Variants in SOX5 observed in about 807,000 individuals in gnomAD.
The protein encoded by SOX5 is SRY-box transcription factor 5.
A neutral mutation model predicts 92.0 loss-of-function variants in SOX5; 9 were observed. The ratio of observed to expected loss-of-function variants is 0.10; its 90% CI spans 0.06 to 0.17. The LOEUF (loss-of-function observed/expected upper bound fraction) is 0.17, where lower values mean the gene tolerates loss of function less well. Among genes scored for constraint, SOX5 ranks in the 10% least tolerant of loss-of-function variants. The pLI, the probability that SOX5 is intolerant of heterozygous loss-of-function variation, is 1.00. For missense variants in SOX5, 642 were observed against 944.5 expected (o/e 0.68, Z 4.20); for synonymous variants, 344 against 336.3 (o/e 1.02, Z -0.25).
intron 4 of SOX5, among the ~76,000 whole-genome samples, chr12:24,009,755 CAG>C (rs1284592207): frequency 6.6e-6 from 1 of 152,124 alleles, no homozygotes; most frequent in Non-Finnish European, 1.5e-5. Flanking sequence ...ATTTTACAAA[CAG>C]AGATATCAGG....
chr12:23,734,564 G>T, intron 6 of SOX5, 120 bp downstream of exon 6: 1 of 719,614 alleles, frequency 1.4e-6, no homozygotes, highest in Non-Finnish European at 2.3e-6. Flanking sequence ...GAGGTGCTAT[G>T]TCATGAATTA....
chr12:23,600,896 G>A (rs1374479992), intron 9 of SOX5, among the ~76,000 whole-genome samples: 3 of 151,998 alleles, frequency 2.0e-5, no homozygotes, highest in Non-Finnish European at 4.4e-5. Flanking sequence ...GGCAGGTCAG[G>A]TGACCTTTCT....
intron 2 of SOX5, among the ~76,000 whole-genome samples, chr12:24,281,777 T>C (rs1348638252): frequency 6.6e-6 from 1 of 152,218 alleles, no homozygotes; most frequent in Non-Finnish European, 1.5e-5. Flanking sequence ...AAGGATTTTC[T>C]TTTTTATATT....
At chr12:24,200,422 A>G (rs542079904) in intron 4 of SOX5, among the ~76,000 whole-genome samples, 2 of 152,286 alleles carry the variant, frequency 1.3e-5, no homozygotes, top group African/African-American at 4.8e-5. Flanking sequence ...AAAGTCAAAT[A>G]TACATATACT....
rs552199170 is a variant in SOX5 at position 23,606,514 on chromosome 12, AT to A, written c.1018-1982del. 3.0e-4 allele frequency among the ~76,000 whole-genome samples: 45 copies of A among 151,914 alleles called. No homozygotes were observed. In the East Asian group the frequency reaches 8.7e-3, roughly 29 times the overall value. On this transcript the variant is annotated intron_variant, in intron 8 of 14. Coordinates refer to ENST00000451604, the MANE Select transcript of SOX5 (RefSeq NM_006940.6). ...GAACAAAACAGTTATTCAAAATTTA[AT>A]TTTGATTCTTCATATTACTGACAAA...
chr12:23,691,913 G>A (rs186536418), intron 6 of SOX5, among the ~76,000 whole-genome samples: 36 of 151,632 alleles, frequency 2.4e-4, no homozygotes, highest in East Asian at 2.1e-3. Context: ...TGTTGTTGTC[G>A]TTCACCTCAT....
At chr12:24,503,528 A>G (rs918700790) in intron 1 of SOX5, among the ~76,000 whole-genome samples, 2 of 152,228 alleles carry the variant, frequency 1.3e-5, no homozygotes, top group Admixed American at 1.3e-4. Context: ...ATGCACACGT[A>G]TGTTTATTGT....
chr12:23,922,208 G>A (rs548622984), intron 1 of SOX5, among the ~76,000 whole-genome samples: 1 of 152,184 alleles, frequency 6.6e-6, no homozygotes, highest in South Asian at 2.1e-4. Flanking sequence ...CAATGTGGTG[G>A]TTGCCAATAC....
chr12:24,413,809 G>A (rs1213354203), intron 1 of SOX5, among the ~76,000 whole-genome samples: 4 of 152,162 alleles, frequency 2.6e-5, no homozygotes, highest in Non-Finnish European at 5.9e-5. Flanking sequence ...TCGTGCGTCA[G>A]TGATTTTTTT....
chr12:23,653,471 A>G (rs11047027), intron 7 of SOX5, among the ~76,000 whole-genome samples: 111,864 of 152,012 alleles, frequency 0.74, 41,906 homozygotes, highest in African/African-American at 0.89. Context: ...CTCTTAAAAT[A>G]TGATGCATAT....
intron 6 of SOX5, among the ~76,000 whole-genome samples, chr12:23,693,401 G>A (rs1290767732): frequency 6.6e-6 from 1 of 152,136 alleles, no homozygotes; most frequent in Non-Finnish European, 1.5e-5. Context: ...TGGGATTACA[G>A]GGGTGAGCCA....
chr12:23,634,463 C>G (rs1001554688), intron 8 of SOX5, among the ~76,000 whole-genome samples: 17 of 151,958 alleles, frequency 1.1e-4, no homozygotes, highest in African/African-American at 3.6e-4. Flanking sequence ...AATTAGCCTT[C>G]CATGCAGAGG....
intron 9 of SOX5, among the ~76,000 whole-genome samples, chr12:23,583,046 CAAAT>C (rs1429907206): frequency 2.6e-5 from 4 of 151,988 alleles, no homozygotes; most frequent in East Asian, 1.9e-4. Context: ...TATTTGAAAA[CAAAT>C]AAAGAATAGT....
intron 11 of SOX5, among the ~76,000 whole-genome samples, chr12:23,551,998 G>A (rs902431770): frequency 7.9e-5 from 12 of 151,832 alleles, no homozygotes; most frequent in South Asian, 4.1e-4. Flanking sequence ...CTACAAAGTC[G>A]AAGATGGTTC....
rs1159132411 is a variant in SOX5 at position 24,092,763 on chromosome 12, A to G, written c.-2+120580T>C. ...AAATTCCTTTCATTCCTATATAAAT[A>G]TTCCATTTCAATGTGACTTGGCATC... On this transcript the variant is annotated intron_variant, in intron 4 of 4. Transcript: ENST00000446891. Among the ~76,000 whole-genome samples the G allele has an allele frequency of 2.0e-5, 3 of 152,356 alleles. No homozygotes were observed. In the South Asian group the frequency reaches 6.2e-4, roughly 32 times the overall value.
At chr12:24,155,889 T>C (rs532027979) in intron 4 of SOX5, among the ~76,000 whole-genome samples, 19 of 152,230 alleles carry the variant, frequency 1.2e-4, no homozygotes, top group African/African-American at 4.3e-4. Flanking sequence ...GGAGGAACAG[T>C]AGCAGGAGGT....
At chr12:24,423,005 T>C (rs1032427896) in intron 1 of SOX5, among the ~76,000 whole-genome samples, 3 of 152,180 alleles carry the variant, frequency 2.0e-5, no homozygotes, top group African/African-American at 4.8e-5. Flanking sequence ...AGTGAGACTG[T>C]CTCAAAACAA....
intron 2 of SOX5, among the ~76,000 whole-genome samples, chr12:23,859,517 G>A (rs1007481127): frequency 5.3e-5 from 8 of 152,150 alleles, no homozygotes; most frequent in East Asian, 3.9e-4. Flanking sequence ...TCAGGACAAC[G>A]TGTGCCCAGC....
chr12:23,544,456 C>T (rs1161342002), intron 12 of SOX5, among the ~76,000 whole-genome samples: 4 of 152,282 alleles, frequency 2.6e-5, no homozygotes, highest in African/African-American at 7.2e-5. Flanking sequence ...GTATTATCAA[C>T]AAAAGCACTG....
Sources: allele counts gnomAD v4.1 joint callset (sites outside exome capture counted in the v4.1 genomes callset), GRCh38; gene constraint gnomAD v4.1.1; transcripts MANE v1.5; gene names NCBI Gene and HGNC (gene_info 2026-07-23, HGNC 2026-07-21).